AUTS2: variants seen among roughly 807,000 people sequenced by gnomAD.
AUTS2 encodes the protein activator of transcription and developmental regulator AUTS2.
In AUTS2, 17 loss-of-function variants were observed where a neutral mutation model predicts 112.4. The ratio of observed to expected loss-of-function variants is 0.15; its 90% CI spans 0.10 to 0.23. AUTS2 has a LOEUF of 0.23. Among genes scored for constraint, AUTS2 ranks in the 10% least tolerant of loss-of-function variants. AUTS2 has a pLI of 1.00. For synonymous variants in AUTS2, 751 were observed against 702.7 expected, an observed-to-expected ratio of 1.07 and a Z score of -1.09; for missense variants, 1,510 against 1,701.6, an observed-to-expected ratio of 0.89 and a Z score of 1.98.
chr7:70,645,942 CT>C (rs11323206), intron 5 of AUTS2, among the ~76,000 whole-genome samples: 14,634 of 152,050 alleles, frequency 0.096, 1,000 homozygotes, highest in East Asian at 0.29. Context: ...TGATGTGCGA[CT>C]TTTTTTTCTT....
intron 2 of AUTS2, among the ~76,000 whole-genome samples, chr7:70,037,573 A>G (rs938573767): frequency 7.2e-5 from 11 of 152,166 alleles, no homozygotes; most frequent in Admixed American, 5.9e-4. Context: ...ACAATTAAAA[A>G]TTTTTTATAT....
At chr7:70,504,605 A>C (rs1332631228) in intron 5 of AUTS2, among the ~76,000 whole-genome samples, 3 of 152,174 alleles carry the variant, frequency 2.0e-5, no homozygotes, top group Non-Finnish European at 2.9e-5. Context: ...GGAAGGTTGG[A>C]CAATATCAGT....
chr7:69,613,885 A>G (rs1165900457), intron 1 of AUTS2, among the ~76,000 whole-genome samples: 1 of 152,224 alleles, frequency 6.6e-6, no homozygotes, highest in African/African-American at 2.4e-5. Flanking sequence ...TCTTGAAGAT[A>G]CCAGGTGACA....
intron 3 of AUTS2, among the ~76,000 whole-genome samples, chr7:70,121,988 A>T (rs1029671219): frequency 3.9e-5 from 6 of 152,254 alleles, no homozygotes; most frequent in South Asian, 2.1e-4. Flanking sequence ...TGATAGGCAC[A>T]CAATGGAATA....
intron 1 of AUTS2, among the ~76,000 whole-genome samples, chr7:69,778,608 C>T (rs1193363215): frequency 6.6e-6 from 1 of 152,022 alleles, no homozygotes; most frequent in African/African-American, 2.4e-5. Flanking sequence ...GTGGACAGAC[C>T]AGAGGAGTTA....
chr7:69,836,239 C>T (rs1342410799), intron 1 of AUTS2, among the ~76,000 whole-genome samples: 2 of 152,166 alleles, frequency 1.3e-5, no homozygotes, highest in Non-Finnish European at 2.9e-5. Context: ...AGAAGGCATA[C>T]ACCATGTTAT....
intron 4 of AUTS2, chr7:70,290,423 T>C: frequency 6.5e-7 from 1 of 1,540,998 alleles, no homozygotes; most frequent in East Asian, 2.5e-5. Flanking sequence ...GGAAATGATA[T>C]GAAGAGGGAT....
chr7:70,518,678 G>A (rs1240615032), intron 5 of AUTS2, among the ~76,000 whole-genome samples: 4 of 144,416 alleles, frequency 2.8e-5, no homozygotes, highest in South Asian at 2.2e-4. Context: ...GTGAGACTCC[G>A]TCTCAAAAAA....
intron 2 of AUTS2, among the ~76,000 whole-genome samples, chr7:69,964,156 C>T (rs1456813678): frequency 6.6e-6 from 1 of 152,156 alleles, no homozygotes; most frequent in South Asian, 2.1e-4. Context: ...AATACAGTTA[C>T]AGTCTTCTCA....
At chr7:69,772,153 G>A (rs1199463446) in intron 1 of AUTS2, among the ~76,000 whole-genome samples, 1 of 152,052 alleles carries the variant, frequency 6.6e-6, no homozygotes. Context: ...CCTTTTGTTT[G>A]GCATAGGAAG....
At chr7:70,428,669 CA>C (rs765810675) in intron 4 of AUTS2, among the ~76,000 whole-genome samples, 7 of 152,188 alleles carry the variant, frequency 4.6e-5, no homozygotes, top group Admixed American at 1.3e-4. Context: ...TCAGCCCTGA[CA>C]TCTTTGGTGG....
chr7:70,548,487 T>C (rs1464287348), intron 5 of AUTS2, among the ~76,000 whole-genome samples: 1 of 152,178 alleles, frequency 6.6e-6, no homozygotes, highest in East Asian at 1.9e-4. Context: ...AAGAACTCTT[T>C]GCCTAACCTA....
chr7:69,623,006 A>AT (rs749368027), intron 1 of AUTS2, among the ~76,000 whole-genome samples: 2 of 152,062 alleles, frequency 1.3e-5, no homozygotes, highest in Non-Finnish European at 2.9e-5. Flanking sequence ...GCTGTGTTAC[A>AT]TTTTTTGTCA....
intron 1 of AUTS2, among the ~76,000 whole-genome samples, chr7:69,710,864 A>G (rs371855428): frequency 6.6e-6 from 1 of 152,144 alleles, no homozygotes; most frequent in African/African-American, 2.4e-5. Context: ...AGGAGTTGTT[A>G]AGCTGTGTGC....
At chr7:69,699,931 T>G (rs777222243) in intron 1 of AUTS2, among the ~76,000 whole-genome samples, 1 of 152,122 alleles carries the variant, frequency 6.6e-6, no homozygotes, top group Non-Finnish European at 1.5e-5. Flanking sequence ...AGGCATACAG[T>G]GAATAATCTT....
chr7:70,090,009 C>CAAACAAAT (rs1554307468), intron 2 of AUTS2, among the ~76,000 whole-genome samples: 26 of 144,416 alleles, frequency 1.8e-4, no homozygotes, highest in African/African-American at 3.3e-4. Flanking sequence ...TGTTTCAAAA[C>CAAACAAAT]AAATAAATAA....
At chr7:70,518,145 T>G (rs1388025963) in intron 5 of AUTS2, among the ~76,000 whole-genome samples, 2 of 152,212 alleles carry the variant, frequency 1.3e-5, no homozygotes, top group African/African-American at 4.8e-5. Context: ...CTGGCTAAAT[T>G]TATTCTAATG....
intron 1 of AUTS2, among the ~76,000 whole-genome samples, chr7:69,606,588 CT>C (rs941622610): frequency 1.3e-4 from 20 of 150,146 alleles, no homozygotes; most frequent in Admixed American, 3.3e-4. Flanking sequence ...CAAGAAGCAA[CT>C]TTTTTTTTTC....
intron 5 of AUTS2, among the ~76,000 whole-genome samples, chr7:70,584,498 A>G (rs532585331): frequency 5.9e-5 from 9 of 152,352 alleles, no homozygotes; most frequent in East Asian, 1.9e-4. Flanking sequence ...AAACTGGTCA[A>G]TTGCAATTTG....
Sources: allele counts gnomAD v4.1 joint callset (sites outside exome capture counted in the v4.1 genomes callset), GRCh38; gene constraint gnomAD v4.1.1; transcripts MANE v1.5; gene names NCBI Gene and HGNC (gene_info 2026-07-23, HGNC 2026-07-21).